The following USP12 variants were observed in gnomAD, a reference collection of about 807,000 sequenced individuals.
USP12 encodes ubiquitin carboxyl-terminal hydrolase 12.
Under a neutral mutation model 45.5 loss-of-function variants are expected in USP12, and 19 were observed. The observed-to-expected ratio is 0.42, with a 90% CI of 0.29 to 0.61. USP12 has a LOEUF of 0.61. Among genes scored for constraint, USP12 ranks in the 20% least tolerant of loss-of-function variants. The pLI is 0.22. For missense variants in USP12, 242 were observed against 447.7 expected (o/e 0.54, Z 4.15); for synonymous variants, 149 against 148.8 (o/e 1.00, Z -0.01).
chr13:27,149,999 CA>C (rs1354968438), intron 1 of USP12, among the ~76,000 whole-genome samples: 2 of 152,206 alleles, frequency 1.3e-5, no homozygotes, highest in African/African-American at 4.8e-5. Context: ...GGCCACAGAT[CA>C]GGGGTTGGAG....
intron 3 of USP12, among the ~76,000 whole-genome samples, chr13:27,097,140 GA>G (rs1197352985): frequency 2.0e-5 from 3 of 148,320 alleles, no homozygotes; most frequent in Non-Finnish European, 4.5e-5. Context: ...AAAAACATGA[GA>G]AAATGTTCAA....
At chr13:27,152,015 G>T (rs1877588981) in intron 1 of USP12, among the ~76,000 whole-genome samples, 1 of 152,118 alleles carries the variant, frequency 6.6e-6, no homozygotes, top group Non-Finnish European at 1.5e-5. Flanking sequence ...AAGTACCAAT[G>T]GGGATGCAGA....
At chr13:27,097,791 C>T (rs1196459063) in intron 3 of USP12, among the ~76,000 whole-genome samples, 1 of 152,126 alleles carries the variant, frequency 6.6e-6, no homozygotes, top group East Asian at 1.9e-4. Context: ...ACAATATTGG[C>T]AATATCACTA....
chr13:27,158,329 C>T (rs1263095734), intron 1 of USP12, among the ~76,000 whole-genome samples: 1 of 152,174 alleles, frequency 6.6e-6, no homozygotes, highest in Non-Finnish European at 1.5e-5. Flanking sequence ...AGAGTCTCCT[C>T]ATAGCCCTCA....
intron 1 of USP12, among the ~76,000 whole-genome samples, chr13:27,150,656 G>GA (rs1877526115): frequency 6.6e-6 from 1 of 152,170 alleles, no homozygotes; most frequent in African/African-American, 2.4e-5. Context: ...CCAGGAGAAC[G>GA]AGACTGCAAT....
Position 27,069,220 on chromosome 13 carries a change from A to G in USP12, c.*63T>C. 7.1e-7 allele frequency: 1 copy of G among 1,415,568 alleles called. No homozygotes were observed. Among genetic ancestry groups the G allele is most frequent in the South Asian group, 1.2e-5 (1 of 86,920 alleles). The allele number at this position is 1,415,568 out of a possible 1,614,324, so 87.7% of individuals were successfully genotyped here. On this transcript the variant is annotated 3_prime_UTR_variant, in exon 9 of 9. Coordinates refer to ENST00000282344, the MANE Select transcript of USP12 (RefSeq NM_182488.4). ...TCTTTTCTTGAAAAATCAGTGCTTG[A>G]TCCTTTCCAAAATAACCAGAGAAGA... is the stretch of plus-strand genomic sequence containing the variant.
At chr13:27,086,197 A>ATATATATATAT (rs869248837) in intron 6 of USP12, among the ~76,000 whole-genome samples, 1 of 56,938 alleles carries the variant, frequency 1.8e-5, no homozygotes, top group Admixed American at 2.7e-4. Context: ...AAAAAAAAAA[A>ATATATATATAT]ATATATATAT....
At chr13:27,120,739 C>T (rs1167754153) in intron 1 of USP12, among the ~76,000 whole-genome samples, 1 of 152,034 alleles carries the variant, frequency 6.6e-6, no homozygotes, top group African/African-American at 2.4e-5. Context: ...ACTTCTGTCC[C>T]CATTTTTGTA....
intron 2 of USP12, among the ~76,000 whole-genome samples, chr13:27,114,144 G>A (rs1005742695): frequency 5.9e-5 from 9 of 151,998 alleles, no homozygotes; most frequent in Non-Finnish European, 1.3e-4. Flanking sequence ...GACTTACTGA[G>A]GCCAGGCTAC....
At chr13:27,086,181 A>ATATATATAT (rs1565984501) in intron 6 of USP12, among the ~76,000 whole-genome samples, 2 of 29,454 alleles carry the variant, frequency 6.8e-5, no homozygotes, top group Non-Finnish European at 1.3e-4. Flanking sequence ...CTTTAAAAAA[A>ATATATATAT]AAAAAAAAAA....
chr13:27,088,444 G>A (rs946312987), intron 6 of USP12, among the ~76,000 whole-genome samples: 18 of 148,870 alleles, frequency 1.2e-4, no homozygotes, highest in African/African-American at 3.2e-4. Context: ...AAAAAATGGC[G>A]TGCTTGCATG....
At chr13:27,117,672 T>C (rs541475711) in intron 1 of USP12, 7 of 481,432 alleles carry the variant, frequency 1.5e-5, no homozygotes, top group African/African-American at 1.4e-4. Flanking sequence ...ATATTAAATA[T>C]ACTATATACC....
At chr13:27,096,405 C>T (rs1565987995) in intron 3 of USP12, among the ~76,000 whole-genome samples, 1 of 152,176 alleles carries the variant, frequency 6.6e-6, no homozygotes, top group Non-Finnish European at 1.5e-5. Context: ...AATCTCAAGT[C>T]CCTTCCAAAT....
At chr13:27,117,802 C>T (rs1202052369) in intron 1 of USP12, 8 of 518,028 alleles carry the variant, frequency 1.5e-5, no homozygotes, top group Admixed American at 5.8e-5. Context: ...GTTTCAAGAA[C>T]GTGATCAACT....
At chr13:27,155,066 C>CTTTTTTTTTTTT (rs71083634) in intron 1 of USP12, among the ~76,000 whole-genome samples, 4 of 57,614 alleles carry the variant, frequency 6.9e-5, no homozygotes, top group African/African-American at 1.7e-4. Context: ...ATGTCCACAA[C>CTTTTTTTTTTTT]TTTTTTTTTT....
chr13:27,158,196 C>T (rs1048273435), intron 1 of USP12, among the ~76,000 whole-genome samples: 1 of 152,084 alleles, frequency 6.6e-6, no homozygotes, highest in Admixed American at 6.6e-5. Flanking sequence ...AGGGAAAATT[C>T]GGACACAGGC....
rs1004213581 is a variant in USP12 at position 27,123,855 on chromosome 13, T to C, written c.49-7259A>G. 2.4e-4 allele frequency among the ~76,000 whole-genome samples: 37 copies of C among 152,302 alleles called. No homozygotes were observed. In the Middle Eastern group the frequency reaches 0.01, roughly 42 times the overall value. On this transcript the variant is annotated intron_variant, in intron 1 of 8. Coordinates refer to ENST00000282344, the MANE Select transcript of USP12 (RefSeq NM_182488.4). Reference sequence around the variant, plus strand: ...AACAGTATGAAAATGGACTAATACATAGGCAATGGGGCAAGTATCTCCTTT... The same window carrying C: ...AACAGTATGAAAATGGACTAATACACAGGCAATGGGGCAAGTATCTCCTTT...
intron 1 of USP12, among the ~76,000 whole-genome samples, chr13:27,124,804 G>A (rs1320773911): frequency 6.6e-6 from 1 of 152,202 alleles, no homozygotes; most frequent in Non-Finnish European, 1.5e-5. Context: ...ATGAGAAAGG[G>A]CGAAGAGTCA....
chr13:27,102,169 T>A (rs894235819), intron 3 of USP12, among the ~76,000 whole-genome samples: 2 of 152,190 alleles, frequency 1.3e-5, no homozygotes, highest in African/African-American at 2.4e-5. Context: ...TGCCAGCTGA[T>A]GTGGCCCTCA....
Sources: allele counts gnomAD v4.1 joint callset (sites outside exome capture counted in the v4.1 genomes callset), GRCh38; gene constraint gnomAD v4.1.1; transcripts MANE v1.5; gene names NCBI Gene and HGNC (gene_info 2026-07-23, HGNC 2026-07-21).